Variants in ADGRL4 observed in about 807,000 individuals in gnomAD.
ADGRL4 encodes EGF, latrophilin and seven transmembrane domain containing 1.
ADGRL4 carries 90 observed loss-of-function variants against 74.8 expected under a neutral mutation model. That is an observed-to-expected ratio of 1.20 (90% CI 1.02 to 1.43). ADGRL4 has a LOEUF of 1.43. ADGRL4 is among the 40% of genes most tolerant of loss of function. The probability of loss-of-function intolerance (pLI) is 0.00; values close to 1 mark genes in which losing one functional copy is unlikely to be tolerated. For missense variants in ADGRL4, 881 were observed against 814.3 expected (o/e 1.08, Z -1.00); for synonymous variants, 311 against 279.2 (o/e 1.11, Z -1.14).
intron 3 of ADGRL4, 99 bp downstream of exon 3, chr1:78,946,175 A>G (rs1336571724): frequency 2.3e-6 from 2 of 867,798 alleles, no homozygotes; most frequent in African/African-American, 1.8e-5. Flanking sequence ...GTAGGGTACG[A>G]TCAAGGTCTG....
chr1:78,948,530 A>G (rs996753513), intron 2 of ADGRL4, among the ~76,000 whole-genome samples: 1 of 152,186 alleles, frequency 6.6e-6, no homozygotes, highest in African/African-American at 2.4e-5. Flanking sequence ...AGGAAGAGAG[A>G]AAAATTGCTG....
chr1:78,963,813 C>G (rs1179165974), intron 2 of ADGRL4, among the ~76,000 whole-genome samples: 1 of 152,054 alleles, frequency 6.6e-6, no homozygotes, highest in Non-Finnish European at 1.5e-5. Context: ...ATACAATAAA[C>G]CTATGGAAAT....
intron 2 of ADGRL4, among the ~76,000 whole-genome samples, chr1:78,998,154 T>A (rs2100740281): frequency 6.6e-6 from 1 of 152,136 alleles, no homozygotes; most frequent in East Asian, 1.9e-4. Flanking sequence ...GCAGGGTTCT[T>A]TATGTGCATT....
At chr1:78,929,366 T>C (rs577149440) in intron 7 of ADGRL4, among the ~76,000 whole-genome samples, 30 of 151,108 alleles carry the variant, frequency 2.0e-4, no homozygotes, top group Admixed American at 3.3e-4. Context: ...AATAGAATAA[T>C]TAGCCCAGCA....
At chr1:78,976,391 T>A (rs1650282732) in intron 2 of ADGRL4, among the ~76,000 whole-genome samples, 1 of 151,904 alleles carries the variant, frequency 6.6e-6, no homozygotes, top group Non-Finnish European at 1.5e-5. Flanking sequence ...TCAGTATTTT[T>A]TTCACTTGTT....
intron 2 of ADGRL4, among the ~76,000 whole-genome samples, chr1:78,987,993 T>C (rs1193128646): frequency 9.2e-6 from 1 of 108,728 alleles, no homozygotes; most frequent in African/African-American, 3.0e-5. Flanking sequence ...AAATAGCCAC[T>C]GCATTTTTTT....
At chr1:78,980,925 C>T (rs765260111) in intron 2 of ADGRL4, among the ~76,000 whole-genome samples, 4 of 151,970 alleles carry the variant, frequency 2.6e-5, no homozygotes, top group Admixed American at 6.6e-5. Context: ...TGCTGTTGCA[C>T]GATCACTGAT....
At chr1:78,916,324 A>C (rs1489400) in intron 12 of ADGRL4, among the ~76,000 whole-genome samples, 46,381 of 151,674 alleles carry the variant, frequency 0.31, 7,789 homozygotes, top group South Asian at 0.43. Context: ...CTTGTACAAA[A>C]CAATGGCAAA....
intron 3 of ADGRL4, among the ~76,000 whole-genome samples, chr1:78,941,776 A>T (rs1649487623): frequency 6.6e-6 from 1 of 152,182 alleles, no homozygotes; most frequent in Non-Finnish European, 1.5e-5. Flanking sequence ...TGCAGGTTCA[A>T]ATGGCTAAAA....
chr1:78,928,291 T>A (rs1194772884), intron 7 of ADGRL4, among the ~76,000 whole-genome samples: 1 of 151,562 alleles, frequency 6.6e-6, no homozygotes, highest in Non-Finnish European at 1.5e-5. Flanking sequence ...CTCCAAGATA[T>A]CTTCTCACCT....
At chr1:78,961,854 T>C (rs2100708910) in intron 2 of ADGRL4, among the ~76,000 whole-genome samples, 1 of 152,060 alleles carries the variant, frequency 6.6e-6, no homozygotes, top group South Asian at 2.1e-4. Context: ...TTGAGAATCA[T>C]AATATGGGCA....
At chr1:78,963,952 T>C (rs1185457980) in intron 2 of ADGRL4, among the ~76,000 whole-genome samples, 2 of 152,186 alleles carry the variant, frequency 1.3e-5, no homozygotes, top group African/African-American at 4.8e-5. Context: ...AGTTCTACAA[T>C]AATTGCCTAA....
intron 6 of ADGRL4, 102 bp from the exon 7 acceptor site, chr1:78,936,513 T>C: frequency 1.3e-5 from 14 of 1,047,476 alleles, no homozygotes; most frequent in Non-Finnish European, 1.9e-5. Context: ...TTATTGTGTT[T>C]TAAATTATTT....
intron 2 of ADGRL4, among the ~76,000 whole-genome samples, chr1:78,973,926 G>C (rs1388523595): frequency 1.3e-5 from 2 of 151,896 alleles, no homozygotes; most frequent in African/African-American, 2.4e-5. Flanking sequence ...GGTAGTTATG[G>C]GCTTTACTTG....
chr1:79,004,716 C>T (rs1469345846), intron 2 of ADGRL4, among the ~76,000 whole-genome samples: 1 of 151,996 alleles, frequency 6.6e-6, no homozygotes, highest in Non-Finnish European at 1.5e-5. Flanking sequence ...TACTTGGTAT[C>T]ATGTAAAGAG....
In ADGRL4 at chr1:78,944,893, T is replaced by C. The variant is rs893612978; in HGVS notation, c.325+1381A>G. 3.3e-5 allele frequency among the ~76,000 whole-genome samples: 5 copies of C among 152,174 alleles called. No homozygotes were observed. The South Asian group carries it at 8.3e-4, about 25-fold the overall frequency. On this transcript the variant is annotated intron_variant, in intron 3 of 14. Coordinates refer to ENST00000370742, the MANE Select transcript of ADGRL4 (RefSeq NM_022159.4). ...ATTTCACAGATAAAATTTTTGAACA[T>C]TGTGTCATAGCTTACCATCCCAGCA...
chr1:78,914,529 A>C (rs1648829957), intron 12 of ADGRL4, among the ~76,000 whole-genome samples: 2 of 151,858 alleles, frequency 1.3e-5, no homozygotes, highest in African/African-American at 4.8e-5. Flanking sequence ...ATCAATTTTG[A>C]ACATCTGATC....
At chr1:78,918,596 T>C (rs902666445) in intron 10 of ADGRL4, among the ~76,000 whole-genome samples, 1 of 151,926 alleles carries the variant, frequency 6.6e-6, no homozygotes, top group Non-Finnish European at 1.5e-5. Context: ...AAATTTGAGA[T>C]GGCTTTCACT....
At chr1:78,962,494 C>T (rs1471024352) in intron 2 of ADGRL4, among the ~76,000 whole-genome samples, 1 of 152,062 alleles carries the variant, frequency 6.6e-6, no homozygotes, top group East Asian at 1.9e-4. Flanking sequence ...CACACGATTT[C>T]CCCCTTCCTC....
Sources: allele counts gnomAD v4.1 joint callset (sites outside exome capture counted in the v4.1 genomes callset), GRCh38; gene constraint gnomAD v4.1.1; transcripts MANE v1.5; gene names NCBI Gene and HGNC (gene_info 2026-07-23, HGNC 2026-07-21).